Variants in NXPH1 observed in about 807,000 individuals in gnomAD.
NXPH1 encodes neurexophilin 1, also known as neurexophilin-1.
Under a neutral mutation model 23.7 loss-of-function variants are expected in NXPH1, and 5 were observed. The ratio of observed to expected loss-of-function variants is 0.21; its 90% confidence interval spans 0.11 to 0.44. The LOEUF (loss-of-function observed/expected upper bound fraction) is 0.44. Ranked by LOEUF, NXPH1 falls within the 20% of genes least tolerant of loss-of-function variation. The pLI is 0.99. For synonymous variants in NXPH1, 144 were observed against 122.2 expected, an observed-to-expected ratio of 1.18 and a Z score of -1.18; for missense variants, 324 against 321.6, an observed-to-expected ratio of 1.01 and a Z score of -0.06.
Position 8,576,749 on chromosome 7 carries a change from C to A in NXPH1, c.54+140982C>A, listed in dbSNP as rs576336343. Among the ~76,000 whole-genome samples, 4 of 152,090 alleles carry A rather than the reference C, an allele frequency of 2.6e-5. No individual in the cohort carries two copies. In the South Asian group the frequency reaches 8.3e-4, roughly 32 times the overall value. ...GGAGAGAGATGTGATAGGATAAGTACCATGTTTTTGACTTGTTCCTTGTAC... is the reference window on the plus strand; with the variant it reads ...GGAGAGAGATGTGATAGGATAAGTAACATGTTTTTGACTTGTTCCTTGTAC... On this transcript the variant is annotated intron_variant, in intron 2 of 2. Transcript: ENST00000405863.
At chr7:8,660,667 T>A (rs568220185) in intron 2 of NXPH1, among the ~76,000 whole-genome samples, 2 of 152,172 alleles carry the variant, frequency 1.3e-5, no homozygotes, top group African/African-American at 4.8e-5. Flanking sequence ...TAATAACAAC[T>A]GCAGGCTTCT....
At chr7:8,731,964 C>T (rs917841831) in intron 2 of NXPH1, among the ~76,000 whole-genome samples, 2 of 152,230 alleles carry the variant, frequency 1.3e-5, no homozygotes, top group Non-Finnish European at 2.9e-5. Flanking sequence ...GCAGTTTGAT[C>T]TCAGACTGCT....
intron 2 of NXPH1, among the ~76,000 whole-genome samples, chr7:8,722,812 C>A (rs1047597308): frequency 6.6e-6 from 1 of 152,148 alleles, no homozygotes; most frequent in African/African-American, 2.4e-5. Flanking sequence ...ATCTTGATAG[C>A]CTTTTGTGAG....
chr7:8,603,260 G>A (rs1428025037), intron 2 of NXPH1, among the ~76,000 whole-genome samples: 1 of 152,144 alleles, frequency 6.6e-6, no homozygotes, highest in African/African-American at 2.4e-5. Flanking sequence ...AAGGAAGTAA[G>A]CTTATTACTC....
intron 2 of NXPH1, among the ~76,000 whole-genome samples, chr7:8,713,425 C>G (rs1396691791): frequency 1.3e-5 from 2 of 152,082 alleles, no homozygotes; most frequent in Non-Finnish European, 2.9e-5. Flanking sequence ...GGTCACATAT[C>G]TCTGTCTTTC....
chr7:8,435,481 C>T lies in NXPH1; in HGVS notation c.-110-123C>T. 1.8e-6 allele frequency: 1 copy of T among 570,240 alleles called. No homozygotes were observed. The highest frequency in any genetic ancestry group is 2.9e-5 in the East Asian group (1 of 33,918). The allele number at this position is 570,240 out of a possible 1,614,324, so 35.3% of individuals were successfully genotyped here. A position where few individuals can be genotyped will look rare whatever the true frequency, so the allele number is the denominator to read the frequency against. On this transcript the variant is annotated intron_variant, in intron 1 of 2. Transcript: ENST00000405863. The surrounding 1 kb of genome is among the most constrained non-coding windows in gnomAD (Gnocchi z 5.9). ...TGGATTTACTCGCTTTTCAATTTTT[C>T]GTACCCTCCCTCCCTTTTTTTTTTG...
At chr7:8,721,973 C>G (rs1779977855) in intron 2 of NXPH1, among the ~76,000 whole-genome samples, 1 of 152,130 alleles carries the variant, frequency 6.6e-6, no homozygotes, top group South Asian at 2.1e-4. Flanking sequence ...TATTACAGAT[C>G]AAGTTACCTT....
rs530181162 is a variant in NXPH1 at position 8,510,875 on chromosome 7, A to G, written c.54+75108A>G. ...AATAGGCACTTGCTTTTTGGCTCCA[A>G]TTCATTTTAAGTTTGAACTTCTGAA... On this transcript the variant is annotated intron_variant, in intron 2 of 2. Coordinates refer to ENST00000405863, the MANE Select transcript of NXPH1 (RefSeq NM_152745.3). Among the ~76,000 whole-genome samples, 9 of 152,180 alleles carry G rather than the reference A, an allele frequency of 5.9e-5. No homozygotes were observed. In the East Asian group the frequency reaches 9.7e-4, roughly 16 times the overall value.
chr7:8,710,915 G>A (rs1322958850), intron 2 of NXPH1, among the ~76,000 whole-genome samples: 3 of 114,828 alleles, frequency 2.6e-5, no homozygotes, highest in Admixed American at 8.2e-5. Context: ...ACCCGCCTCG[G>A]CCTCCCAAAG....
chr7:8,501,876 A>C (rs1324118918), intron 2 of NXPH1, among the ~76,000 whole-genome samples: 1 of 152,118 alleles, frequency 6.6e-6, no homozygotes, highest in East Asian at 1.9e-4. Context: ...CGGCAATTAG[A>C]GGGTAAGGCC....
intron 2 of NXPH1, among the ~76,000 whole-genome samples, chr7:8,530,946 T>C (rs968403538): frequency 4.6e-5 from 7 of 152,236 alleles, no homozygotes; most frequent in Non-Finnish European, 8.8e-5. Flanking sequence ...TATTCTGGGA[T>C]GTACATTATC....
chr7:8,512,072 C>T (rs947474668), intron 2 of NXPH1, among the ~76,000 whole-genome samples: 10 of 152,186 alleles, frequency 6.6e-5, no homozygotes, highest in Middle Eastern at 3.4e-3. Context: ...CCAAACTAGC[C>T]CCCTGAGTGT....
intron 2 of NXPH1, among the ~76,000 whole-genome samples, chr7:8,685,434 T>C (rs1166751614): frequency 1.5e-5 from 2 of 132,852 alleles, no homozygotes; most frequent in African/African-American, 2.8e-5. Context: ...AATAACTGGA[T>C]CTCATTTTTT....
chr7:8,465,550 C>T (rs1436024119), intron 2 of NXPH1, among the ~76,000 whole-genome samples: 1 of 152,088 alleles, frequency 6.6e-6, no homozygotes, highest in Non-Finnish European at 1.5e-5. Context: ...CTATTAGGCT[C>T]CCAAGCTAGT....
At chr7:8,455,800 A>G (rs958322484) in intron 2 of NXPH1, among the ~76,000 whole-genome samples, 1 of 152,222 alleles carries the variant, frequency 6.6e-6, no homozygotes, top group African/African-American at 2.4e-5. Context: ...ACTAGCCTAT[A>G]AAATATTAAG....
At position 8,590,562 on chromosome 7, in the gene NXPH1, C is replaced by A. The variant is rs145608291; in HGVS notation, c.54+154795C>A. 2.4e-4 allele frequency among the ~76,000 whole-genome samples: 37 copies of A among 152,190 alleles called. No individual in the cohort carries two copies. In the East Asian group the frequency reaches 3.7e-3, roughly 15 times the overall value. ...AATGTGGTGGTTTAAGATCCTGAAA[C>A]TAAAGCCATCTCATTTTTGCATAAC... On this transcript the variant is annotated intron_variant, in intron 2 of 2. Coordinates refer to ENST00000405863, the MANE Select transcript of NXPH1 (RefSeq NM_152745.3).
chr7:8,500,809 G>A (rs1301307575), intron 2 of NXPH1, among the ~76,000 whole-genome samples: 1 of 152,014 alleles, frequency 6.6e-6, no homozygotes, highest in African/African-American at 2.4e-5. Context: ...AGTGTTACAC[G>A]ATTTTGATGC....
chr7:8,716,435 A>C (rs950650147), intron 2 of NXPH1, among the ~76,000 whole-genome samples: 3 of 152,230 alleles, frequency 2.0e-5, no homozygotes, highest in African/African-American at 7.2e-5. Flanking sequence ...TGAGATTATA[A>C]AATGTCAGTG....
rs138113319 is a variant in NXPH1, at chr7:8,451,334, A to G, written c.54+15567A>G. ...CTTGTATTTAATTGTCATGATTTTGATCGCTAATGACTTTTGATTGCTTCT... is the reference window on the plus strand; with the variant it reads ...CTTGTATTTAATTGTCATGATTTTGGTCGCTAATGACTTTTGATTGCTTCT... On this transcript the variant is annotated intron_variant, in intron 2 of 2. Coordinates refer to ENST00000405863, the MANE Select transcript of NXPH1 (RefSeq NM_152745.3). Among the ~76,000 whole-genome samples the G allele has an allele frequency of 3.6e-3, 550 of 152,254 alleles. 5 individuals carry two copies. The Middle Eastern group carries it at 0.037, about 10-fold the overall frequency.
Sources: gnomAD v4.1 joint callset for allele counts (sites outside exome capture counted in the v4.1 genomes callset) on GRCh38, gnomAD v4.1.1 for gene constraint, Gnocchi (gnomAD v3.1) non-coding constraint, MANE v1.5 for transcripts, NCBI Gene and HGNC (gene_info 2026-07-23, HGNC 2026-07-21) for gene names.